IPO8: variants seen among roughly 807,000 people sequenced by gnomAD.
IPO8 encodes the protein importin-8.
In IPO8, 65 loss-of-function variants were observed where a neutral mutation model predicts 141.2. That is an observed-to-expected ratio of 0.46 (90% CI 0.38 to 0.57). The LOEUF (loss-of-function observed/expected upper bound fraction) is 0.57, where lower values mean the gene tolerates loss of function less well. Ranked by LOEUF, IPO8 falls within the 20% of genes least tolerant of loss-of-function variation. The pLI, the probability that IPO8 is intolerant of heterozygous loss-of-function variation, is 0.00. For synonymous variants in IPO8, 411 were observed against 420.3 expected (o/e 0.98, Z 0.27); for missense variants, 980 against 1,246.8 (o/e 0.79, Z 3.22).
intron 4 of IPO8, among the ~76,000 whole-genome samples, chr12:30,681,451 C>A (rs1005417664): frequency 6.6e-6 from 1 of 152,216 alleles, no homozygotes; most frequent in Non-Finnish European, 1.5e-5. Flanking sequence ...TATTATATCA[C>A]TGTCTCAGAG....
rs756197058 is a variant in IPO8, at chr12:30,634,275, T to C, written c.2707A>G (p.Ser903Gly). Residue 903 changes from serine to glycine, a missense_variant, in exon 23 of 25, where the codon AGT (serine) becomes GGT (glycine). By Grantham distance (56) the Ser-to-Gly change is moderately conservative. This residue lies in a region of IPO8 where 924 missense variants were observed against 1,153.9 expected (regional missense o/e 0.80). Coordinates refer to ENST00000256079, the MANE Select transcript of IPO8 (RefSeq NM_006390.4). Reference protein sequence around the residue: ...ADMEENEEISSDEEETNVTAQ... With the variant: ...ADMEENEEISGDEEETNVTAQ... ...GTTACATTTGTCTCCTCTTCATCAC[T>C]TGAAATCTCCTCTGTGAACCCATTA... 1.2e-6 allele frequency: 2 copies of C among 1,612,826 alleles called. No individual in the cohort carries two copies. Among genetic ancestry groups the C allele is most frequent in the Admixed American group, 1.7e-5 (1 of 60,006 alleles).
At chr12:30,694,856 T>G in intron 1 of IPO8, 1 of 369,054 alleles carries the variant, frequency 2.7e-6, no homozygotes, top group Non-Finnish European at 5.4e-6. Flanking sequence ...TCATTAAAAT[T>G]TTGAAGTGTG....
intron 7 of IPO8, 65 bp from the exon 8 acceptor site, chr12:30,674,139 T>C: frequency 9.6e-7 from 1 of 1,037,330 alleles, no homozygotes; most frequent in South Asian, 1.4e-5. Flanking sequence ...TTGCTAATAA[T>C]TTAAATATAG....
Position 30,680,473 on chromosome 12 carries a change from G to C in IPO8, c.639+9C>G, listed in dbSNP as rs754869690. On this transcript the variant is annotated intron_variant, in intron 5 of 24. Transcript: ENST00000256079. ...GACTCCATGTTTGTTTTCTGCAATAGAAACCTACCTGAACAAGTGCATAAA... is the reference window on the plus strand; with the variant it reads ...GACTCCATGTTTGTTTTCTGCAATACAAACCTACCTGAACAAGTGCATAAA... 2.6e-5 allele frequency: 42 copies of C among 1,601,878 alleles called. No homozygotes were observed. The highest frequency in any genetic ancestry group is 3.4e-5 in the Non-Finnish European group (40 of 1,174,024).
intron 3 of IPO8, among the ~76,000 whole-genome samples, chr12:30,682,394 T>C (rs895071738): frequency 1.3e-5 from 2 of 152,144 alleles, no homozygotes; most frequent in African/African-American, 4.8e-5. Context: ...AAACATGTAT[T>C]ATTAGCGAGG....
intron 5 of IPO8, chr12:30,677,206 CA>C: frequency 1.6e-6 from 1 of 638,368 alleles, no homozygotes. Flanking sequence ...CACCACATAA[CA>C]AATGTTTCGG....
chr12:30,646,296 A>C (rs10734790), intron 20 of IPO8, among the ~76,000 whole-genome samples: 86,407 of 152,078 alleles, frequency 0.57, 25,657 homozygotes, highest in African/African-American at 0.74. Context: ...CATTCAGCAA[A>C]ATTCAACACC....
chr12:30,633,450 T>C (rs1329846816), intron 23 of IPO8, among the ~76,000 whole-genome samples: 1 of 152,234 alleles, frequency 6.6e-6, no homozygotes, highest in Non-Finnish European at 1.5e-5. Context: ...CTCATTGGCT[T>C]GTTTTTATTC....
At chr12:30,643,674 G>A (rs568096152) in intron 20 of IPO8, among the ~76,000 whole-genome samples, 3 of 152,310 alleles carry the variant, frequency 2.0e-5, no homozygotes, top group Non-Finnish European at 2.9e-5. Context: ...ATTACTTTTT[G>A]TGGGAATGAA....
chr12:30,640,256 T>A (rs901799026), intron 20 of IPO8, among the ~76,000 whole-genome samples: 1 of 152,204 alleles, frequency 6.6e-6, no homozygotes. Context: ...AGGTGCAATA[T>A]TGATGAACTA....
intron 1 of IPO8, among the ~76,000 whole-genome samples, chr12:30,692,273 A>AT (rs2053297765): frequency 6.6e-6 from 1 of 152,204 alleles, no homozygotes; most frequent in African/African-American, 2.4e-5. Flanking sequence ...TACCTATTGC[A>AT]GAGACTTTTA....
chr12:30,654,023 G>A (rs1460109831), intron 17 of IPO8, among the ~76,000 whole-genome samples: 4 of 151,950 alleles, frequency 2.6e-5, no homozygotes, highest in African/African-American at 4.8e-5. Context: ...CAATGGAACC[G>A]ATTACAAAGC....
chr12:30,648,744 C>T (rs993579793), intron 20 of IPO8, among the ~76,000 whole-genome samples: 2 of 151,768 alleles, frequency 1.3e-5, no homozygotes, highest in Non-Finnish European at 2.9e-5. Flanking sequence ...AAAATTTAGC[C>T]TTTTAAAATG....
At chr12:30,634,325 A>G (rs1363452735) in intron 22 of IPO8, 39 bp from the exon 23 acceptor site, 4 of 1,526,950 alleles carry the variant, frequency 2.6e-6, no homozygotes, top group East Asian at 4.5e-5. Flanking sequence ...ATCAAAACAC[A>G]TAAGGACAAA....
intron 18 of IPO8, 152 bp downstream of exon 18, chr12:30,652,815 A>C: frequency 2.8e-6 from 2 of 701,818 alleles, no homozygotes; most frequent in East Asian, 2.8e-5. Context: ...GGGCTGAAAA[A>C]CACTGCTACA....
At chr12:30,664,493 G>A (rs2052933791) in intron 13 of IPO8, among the ~76,000 whole-genome samples, 1 of 152,204 alleles carries the variant, frequency 6.6e-6, no homozygotes, top group African/African-American at 2.4e-5. Flanking sequence ...TACACATAGA[G>A]CACAATTTCA....
chr12:30,663,381 C>G, intron 14 of IPO8, 108 bp downstream of exon 14: 1 of 909,352 alleles, frequency 1.1e-6, no homozygotes, highest in Admixed American at 2.7e-5. Context: ...GAGGGCAAAA[C>G]CTCAGAATTC....
intron 11 of IPO8, 93 bp from the exon 12 acceptor site, chr12:30,665,938 C>G (rs1224457683): frequency 1.2e-6 from 1 of 826,856 alleles, no homozygotes; most frequent in South Asian, 1.8e-5. Flanking sequence ...AAAATAAAGC[C>G]ATTTTATTAT....
chr12:30,630,724 G>T lies in IPO8; in HGVS notation c.*136C>A, dbSNP rs1393796208. Reference sequence around the variant, plus strand: ...CAAAGGGGAAAGAGTAGATAAAAGTGCTGCCTAATGCCAGATGGTAACTGG... The same window carrying T: ...CAAAGGGGAAAGAGTAGATAAAAGTTCTGCCTAATGCCAGATGGTAACTGG... On this transcript the variant is annotated 3_prime_UTR_variant, in exon 25 of 25. Coordinates refer to ENST00000256079, the MANE Select transcript of IPO8 (RefSeq NM_006390.4). The T allele has an allele frequency of 1.4e-5, 9 of 650,180 alleles. No individual in the cohort carries two copies. The allele number at this position is 650,180 out of a possible 1,614,324, so 40.3% of individuals were successfully genotyped here.
Sources: allele counts gnomAD v4.1 joint callset (sites outside exome capture counted in the v4.1 genomes callset), GRCh38; gene constraint gnomAD v4.1.1; regional missense constraint gnomAD v4.1.1; transcripts MANE v1.5; gene names NCBI Gene and HGNC (gene_info 2026-07-23, HGNC 2026-07-21).